The following RAPGEF2 variants were observed in gnomAD, a reference collection of about 807,000 sequenced individuals.
The protein encoded by RAPGEF2 is PDZ domain containing guanine nucleotide exchange factor (GEF) 1.
RAPGEF2 carries 54 observed loss-of-function variants against 186.7 expected under a neutral mutation model. That is an observed-to-expected ratio of 0.29 (90% CI 0.23 to 0.36). The LOEUF is 0.36. Ranked by LOEUF, RAPGEF2 falls within the 10% of genes least tolerant of loss-of-function variation. The probability of loss-of-function intolerance (pLI) is 1.00; values close to 1 mark genes in which losing one functional copy is unlikely to be tolerated. For missense variants in RAPGEF2, 1,532 were observed against 2,045.0 expected, an observed-to-expected ratio of 0.75 and a Z score of 4.84; for synonymous variants, 712 against 705.9, an observed-to-expected ratio of 1.01 and a Z score of -0.14.
intron 6 of RAPGEF2, among the ~76,000 whole-genome samples, chr4:159,241,696 A>G (rs1754029954): frequency 6.6e-6 from 1 of 151,936 alleles, no homozygotes; most frequent in Non-Finnish European, 1.5e-5. Flanking sequence ...TCTGAAGATC[A>G]GCTTTGTGAT....
intron 7 of RAPGEF2, chr4:159,267,697 T>C (rs997967088): frequency 2.1e-6 from 2 of 961,200 alleles, no homozygotes; most frequent in African/African-American, 3.5e-5. Context: ...GGCTGAATGC[T>C]AGAGCCTGGT....
chr4:159,217,447 C>T (rs1286151766), intron 4 of RAPGEF2, among the ~76,000 whole-genome samples: 1 of 152,066 alleles, frequency 6.6e-6, no homozygotes, highest in Non-Finnish European at 1.5e-5. Context: ...TTCTGTGTTG[C>T]GGCCTCCAGC....
intron 7 of RAPGEF2, among the ~76,000 whole-genome samples, chr4:159,295,138 T>C (rs1228526331): frequency 6.6e-6 from 1 of 152,170 alleles, no homozygotes; most frequent in Non-Finnish European, 1.5e-5. Context: ...GTAATTATTA[T>C]TAACATTAAG....
chr4:159,221,623 G>A (rs918163652), intron 4 of RAPGEF2, among the ~76,000 whole-genome samples: 3 of 152,172 alleles, frequency 2.0e-5, no homozygotes, highest in Non-Finnish European at 2.9e-5. Flanking sequence ...GGAACCCACG[G>A]TCTCTGTTAC....
At chr4:159,299,744 C>T (rs1762429698) in intron 7 of RAPGEF2, among the ~76,000 whole-genome samples, 1 of 151,912 alleles carries the variant, frequency 6.6e-6, no homozygotes, top group East Asian at 1.9e-4. Flanking sequence ...CATTTATTAG[C>T]TAGTAATTTT....
intron 7 of RAPGEF2, among the ~76,000 whole-genome samples, chr4:159,264,104 A>G (rs1757175533): frequency 6.6e-6 from 1 of 152,188 alleles, no homozygotes; most frequent in Non-Finnish European, 1.5e-5. Flanking sequence ...AATCTATAAT[A>G]TGGGTTTCTC....
In RAPGEF2 at chr4:159,331,712, C is replaced by A. The variant is rs1766702686; in HGVS notation, c.1658C>A (p.Ser553Tyr). 5 of 1,614,060 alleles carry A rather than the reference C, an allele frequency of 3.1e-6. No individual in the cohort carries two copies. The highest frequency in any genetic ancestry group is 4.2e-6 in the Non-Finnish European group (5 of 1,179,998). The change falls in exon 15 of 30, where the codon TCC becomes TAC. Residue 553 changes from serine (S) to tyrosine (Y), a missense_variant. Coordinates refer to ENST00000691494, the MANE Select transcript of RAPGEF2 (RefSeq NM_001394067.2). The part of the protein sequence containing the change: ...KRRLMTLTKP[S>Y]REAPLPFILL... ...AGATTGATGACGTTAACAAAACCAT[C>A]CCGAGAAGCTCCTTTGCCTTTTATC...
Position 159,329,932 on chromosome 4 carries a change from G to A in RAPGEF2, c.1224G>A (p.Glu408=). The A allele has an allele frequency of 6.2e-7, 1 of 1,613,498 alleles. No homozygotes were observed. Among genetic ancestry groups the A allele is most frequent in the African/African-American group, 1.3e-5 (1 of 74,950 alleles). The change falls in exon 12 of 30, where the codon GAG becomes GAA. Residue 408 remains glutamate, a synonymous_variant. Coordinates refer to ENST00000691494, the MANE Select transcript of RAPGEF2 (RefSeq NM_001394067.2). The part of the protein sequence containing the change: ...QVEKNMQKVE[E]EGEIVMVKEH... Reference sequence around the variant, plus strand: ...AAAAGAACATGCAAAAAGTTGAAGAGGAAGGAGAGATTGTTATGGTGAAAG... The same window carrying A: ...AAAAGAACATGCAAAAAGTTGAAGAAGAAGGAGAGATTGTTATGGTGAAAG...
At chr4:159,348,792 G>T (rs1210848898) in intron 25 of RAPGEF2, among the ~76,000 whole-genome samples, 1 of 152,006 alleles carries the variant, frequency 6.6e-6, no homozygotes, top group Non-Finnish European at 1.5e-5. Flanking sequence ...TTCCATTTAT[G>T]AACTTTAGAA....
chr4:159,293,429 G>T (rs982890513), intron 7 of RAPGEF2, among the ~76,000 whole-genome samples: 2 of 152,216 alleles, frequency 1.3e-5, no homozygotes, highest in South Asian at 2.1e-4. Context: ...TCAGAATAGT[G>T]TCTGGCCTAC....
chr4:159,328,934 C>A (rs1054434302), intron 11 of RAPGEF2: 1 of 152,040 alleles, frequency 6.6e-6, no homozygotes, highest in Non-Finnish European at 1.5e-5. Context: ...ATTATCAGAG[C>A]TCTAAATGCC....
chr4:159,181,343 A>C (rs1426964697), intron 1 of RAPGEF2, among the ~76,000 whole-genome samples: 1 of 152,116 alleles, frequency 6.6e-6, no homozygotes, highest in African/African-American at 2.4e-5. Flanking sequence ...TAGCTTTTAA[A>C]AATTTTATTT....
At chr4:159,231,413 A>G (rs6536402) in intron 4 of RAPGEF2, among the ~76,000 whole-genome samples, 55,215 of 151,910 alleles carry the variant, frequency 0.36, 10,459 homozygotes, top group Non-Finnish European at 0.41. Context: ...TATATAATAT[A>G]TTCTCACAAA....
chr4:159,273,600 T>C (rs985643037), intron 7 of RAPGEF2, among the ~76,000 whole-genome samples: 1 of 152,154 alleles, frequency 6.6e-6, no homozygotes, highest in Non-Finnish European at 1.5e-5. Flanking sequence ...CCTTTAACCA[T>C]TTAGCCCTAG....
intron 7 of RAPGEF2, among the ~76,000 whole-genome samples, chr4:159,289,770 A>G (rs150176232): frequency 7.9e-5 from 12 of 152,318 alleles, no homozygotes; most frequent in African/African-American, 2.6e-4. Flanking sequence ...AAGAATTTCT[A>G]ACTTCAGGAG....
chr4:159,226,329 C>T (rs1439781769), intron 4 of RAPGEF2, among the ~76,000 whole-genome samples: 1 of 152,128 alleles, frequency 6.6e-6, no homozygotes, highest in African/African-American at 2.4e-5. Flanking sequence ...TTAGATCTGT[C>T]TCTGGAATCT....
chr4:159,327,078 G>A (rs972262065), intron 11 of RAPGEF2: 54 of 152,196 alleles, frequency 3.5e-4, no homozygotes, highest in African/African-American at 1.3e-3. Flanking sequence ...AACAGTTTTG[G>A]ATGAGAATAC....
At chr4:159,272,505 C>T (rs774064783) in intron 7 of RAPGEF2, among the ~76,000 whole-genome samples, 4 of 152,180 alleles carry the variant, frequency 2.6e-5, no homozygotes, top group African/African-American at 7.2e-5. Context: ...ATCAGGATCA[C>T]TTAATATGCA....
At chr4:159,236,908 A>G (rs994889466) in intron 4 of RAPGEF2, among the ~76,000 whole-genome samples, 1 of 152,240 alleles carries the variant, frequency 6.6e-6, no homozygotes, top group Non-Finnish European at 1.5e-5. Context: ...TTTTCACTTA[A>G]AAGTACTCTA....
Sources: allele counts gnomAD v4.1 joint callset (sites outside exome capture counted in the v4.1 genomes callset), GRCh38; gene constraint gnomAD v4.1.1; transcripts MANE v1.5; gene names NCBI Gene and HGNC (gene_info 2026-07-23, HGNC 2026-07-21).